The following WWOX variants were observed in gnomAD, a reference collection of about 807,000 sequenced individuals.
WWOX encodes the protein WW domain containing oxidoreductase, also known as WW domain-containing oxidoreductase.
WWOX carries 69 observed loss-of-function variants against 46.2 expected under a neutral mutation model. The observed-to-expected ratio is 1.49, with a 90% CI of 1.23 to 1.82. The LOEUF is 1.82. Among genes scored for constraint, WWOX ranks in the 40% most tolerant of loss-of-function variants. WWOX has a pLI of 0.00. For missense variants in WWOX, 919 were observed against 542.6 expected (o/e 1.69, Z -6.89); for synonymous variants, 359 against 202.6 (o/e 1.77, Z -6.56).
At chr16:78,946,442 C>T (rs2045950219) in intron 8 of WWOX, among the ~76,000 whole-genome samples, 1 of 152,130 alleles carries the variant, frequency 6.6e-6, no homozygotes, top group African/African-American at 2.4e-5. Context: ...CTGCTCACGT[C>T]GGCCTCCCAG....
chr16:78,215,897 G>C (rs1171962967), intron 5 of WWOX, among the ~76,000 whole-genome samples: 1 of 151,116 alleles, frequency 6.6e-6, no homozygotes, highest in Non-Finnish European at 1.5e-5. Context: ...CTGCACTCTA[G>C]CCTGGGTGAT....
At chr16:79,143,250 T>C (rs568120802) in intron 8 of WWOX, among the ~76,000 whole-genome samples, 2 of 152,336 alleles carry the variant, frequency 1.3e-5, no homozygotes, top group East Asian at 3.9e-4. Context: ...ATGAAGTCTT[T>C]CTCTACACTC....
rs764734509 is a variant in WWOX, at chr16:79,123,673, C to T, written c.1057-87935C>T. 2.0e-5 allele frequency among the ~76,000 whole-genome samples: 3 copies of T among 152,106 alleles called. No individual in the cohort carries two copies. The South Asian group carries it at 6.2e-4, about 32-fold the overall frequency. On this transcript the variant is annotated intron_variant, in intron 8 of 8. Coordinates refer to ENST00000566780, the MANE Select transcript of WWOX (RefSeq NM_016373.4). ...TTCCCTATTTCTTTCTCACCCACAG[C>T]CAATTGCAATCTGGACCCTTTACCT... is the stretch of plus-strand genomic sequence containing the variant.
intron 8 of WWOX, among the ~76,000 whole-genome samples, chr16:79,072,216 G>T (rs1251320632): frequency 1.3e-5 from 2 of 152,156 alleles, no homozygotes; most frequent in Non-Finnish European, 2.9e-5. Flanking sequence ...AGCCTAGGGG[G>T]TTGAGGCTGC....
intron 8 of WWOX, among the ~76,000 whole-genome samples, chr16:78,497,264 A>G (rs1176173731): frequency 6.6e-6 from 1 of 152,132 alleles, no homozygotes; most frequent in African/African-American, 2.4e-5. Context: ...TTTTCCTCCA[A>G]TTTTATTCAG....
chr16:79,112,374 G>A (rs904321844), intron 8 of WWOX, among the ~76,000 whole-genome samples: 1 of 152,160 alleles, frequency 6.6e-6, no homozygotes, highest in African/African-American at 2.4e-5. Flanking sequence ...GAGCCAGAGA[G>A]TTGGGGAACA....
At chr16:78,717,758 G>A (rs1049555754) in intron 8 of WWOX, among the ~76,000 whole-genome samples, 4 of 152,158 alleles carry the variant, frequency 2.6e-5, no homozygotes, top group Admixed American at 6.5e-5. Context: ...GGATCTAATC[G>A]AGGATTAGGA....
At chr16:78,791,899 C>CAACA (rs749077016) in intron 8 of WWOX, among the ~76,000 whole-genome samples, 3 of 152,090 alleles carry the variant, frequency 2.0e-5, no homozygotes, top group African/African-American at 4.8e-5. Context: ...ACAACAACAA[C>CAACA]AACAAACAAA....
chr16:78,887,082 GTGTGTGTGTGTGTGTGTGTGT>G (rs1567627178), intron 8 of WWOX, among the ~76,000 whole-genome samples: 17 of 12,892 alleles, frequency 1.3e-3, no homozygotes, highest in Admixed American at 8.7e-3. Flanking sequence ...TGTGTGGTGT[GTGTGTGTGTGTGTGTGTGTGT>G]GTGTGTGTGT....
intron 8 of WWOX, among the ~76,000 whole-genome samples, chr16:78,678,406 A>G (rs181938673): frequency 1.3e-5 from 2 of 152,332 alleles, no homozygotes; most frequent in African/African-American, 4.8e-5. Flanking sequence ...GAGTGAATAA[A>G]TGAATGAATG....
intron 8 of WWOX, among the ~76,000 whole-genome samples, chr16:79,089,716 T>A (rs1269345920): frequency 1.3e-5 from 2 of 152,192 alleles, no homozygotes; most frequent in Non-Finnish European, 2.9e-5. Flanking sequence ...CCTAAGCGTT[T>A]AAGCATGGTA....
intron 8 of WWOX, among the ~76,000 whole-genome samples, chr16:78,948,282 G>C (rs375416839): frequency 6.6e-6 from 1 of 152,166 alleles, no homozygotes; most frequent in Admixed American, 6.5e-5. Flanking sequence ...TGTTGTCACT[G>C]TTTGGGACCC....
chr16:78,809,142 C>T (rs1388924603), intron 8 of WWOX, among the ~76,000 whole-genome samples: 1 of 151,980 alleles, frequency 6.6e-6, no homozygotes, highest in East Asian at 1.9e-4. Flanking sequence ...CTGCACCCTT[C>T]TCAGATGCAA....
At chr16:78,117,932 A>T (rs1221964050) in intron 4 of WWOX, among the ~76,000 whole-genome samples, 6 of 151,970 alleles carry the variant, frequency 3.9e-5, no homozygotes, top group South Asian at 4.1e-4. Flanking sequence ...ACATAACAGG[A>T]TTTATTTTGA....
intron 8 of WWOX, among the ~76,000 whole-genome samples, chr16:79,034,787 T>G (rs1424127436): frequency 6.6e-6 from 1 of 152,234 alleles, no homozygotes; most frequent in East Asian, 1.9e-4. Context: ...ATAAATTACA[T>G]GAAGGAATTA....
chr16:78,988,758 G>C (rs1035112000), intron 8 of WWOX, among the ~76,000 whole-genome samples: 2 of 152,162 alleles, frequency 1.3e-5, no homozygotes, highest in Non-Finnish European at 1.5e-5. Flanking sequence ...TTTCTTCCCA[G>C]AGAGAAAGAC....
intron 5 of WWOX, among the ~76,000 whole-genome samples, chr16:78,261,797 T>G (rs1236779251): frequency 2.1e-4 from 14 of 65,176 alleles, no homozygotes; most frequent in South Asian, 1.3e-3. Flanking sequence ...TCTATATATA[T>G]ATATATATAT....
At chr16:79,019,072 C>T (rs1467447683) in intron 8 of WWOX, among the ~76,000 whole-genome samples, 4 of 141,624 alleles carry the variant, frequency 2.8e-5, no homozygotes, top group Admixed American at 7.5e-5. Flanking sequence ...TAAGGAGGAT[C>T]GCTTGAACCT....
intron 8 of WWOX, among the ~76,000 whole-genome samples, chr16:78,850,567 C>T (rs886920124): frequency 6.6e-6 from 1 of 152,118 alleles, no homozygotes; most frequent in African/African-American, 2.4e-5. Context: ...GTTTAGTCCC[C>T]TCTCCCCCAT....
Sources: gnomAD v4.1 joint callset for allele counts (sites outside exome capture counted in the v4.1 genomes callset) on GRCh38, gnomAD v4.1.1 for gene constraint, MANE v1.5 for transcripts, NCBI Gene and HGNC (gene_info 2026-07-23, HGNC 2026-07-21) for gene names.